NAV3: variants seen among roughly 807,000 people sequenced by gnomAD.
The protein encoded by NAV3 is neuron navigator 3, also known as pore membrane and/or filament interacting like protein 1.
A neutral mutation model predicts 244.7 loss-of-function variants in NAV3; 87 were observed. The observed-to-expected ratio is 0.36, with a 90% CI of 0.30 to 0.42. The LOEUF (loss-of-function observed/expected upper bound fraction) is 0.42, where lower values mean the gene tolerates loss of function less well. NAV3 is among the 20% of genes least tolerant of loss of function. The probability of loss-of-function intolerance (pLI) is 1.00; values close to 1 mark genes in which losing one functional copy is unlikely to be tolerated. For synonymous variants in NAV3, 1,126 were observed against 1,042.2 expected, an observed-to-expected ratio of 1.08 and a Z score of -1.55; for missense variants, 2,663 against 2,893.3, an observed-to-expected ratio of 0.92 and a Z score of 1.83.
chr12:77,620,046 G>C (rs1388069580), intron 2 of NAV3, among the ~76,000 whole-genome samples: 1 of 152,138 alleles, frequency 6.6e-6, no homozygotes, highest in African/African-American at 2.4e-5. Context: ...AAATTAAGGA[G>C]TCTTTTCATT....
chr12:77,959,513 G>A (rs777021786), intron 3 of NAV3, among the ~76,000 whole-genome samples: 8 of 151,970 alleles, frequency 5.3e-5, no homozygotes, highest in South Asian at 2.1e-4. Context: ...GTTGTTGTGA[G>A]TTATTGAATC....
chr12:77,608,448 G>A lies in NAV3; in HGVS notation c.72+36182G>A, dbSNP rs146141338. ...GTTGAGACAGTATTATCCTCTGCAT[G>A]TAATTTAAGCAGACTGTTATATCCT... On this transcript the variant is annotated intron_variant, in intron 2 of 8. Coordinates refer to the NAV3 transcript ENST00000550042. Among the ~76,000 whole-genome samples, 757 of 152,180 alleles carry A rather than the reference G, an allele frequency of 5.0e-3. 7 individuals are homozygous for A. The highest frequency in any genetic ancestry group is 0.018 in the African/African-American group (734 of 41,548).
chr12:78,057,881 G>T (rs951537947), intron 11 of NAV3, among the ~76,000 whole-genome samples: 1 of 152,090 alleles, frequency 6.6e-6, no homozygotes, highest in East Asian at 1.9e-4. Context: ...ACATGTAAGG[G>T]TTTCTCTCCT....
In NAV3 at chr12:78,197,053, C is replaced by A. The variant is rs905361407; in HGVS notation, c.6292-194C>A. Among the ~76,000 whole-genome samples the A allele has an allele frequency of 1.2e-4, 18 of 151,846 alleles. No individual in the cohort carries two copies. The East Asian group carries it at 3.3e-3, about 28-fold the overall frequency. On this transcript the variant is annotated intron_variant, in intron 34 of 39. Coordinates refer to ENST00000397909, the MANE Select transcript of NAV3 (RefSeq NM_001024383.2). ...CTATTGCTTTCCTTTTTCTTGCTTT[C>A]ATTTAAAAAAATTATTCTGTCAGCA...
intron 9 of NAV3, among the ~76,000 whole-genome samples, chr12:78,038,343 A>G (rs1405758437): frequency 6.6e-6 from 1 of 152,186 alleles, no homozygotes; most frequent in African/African-American, 2.4e-5. Flanking sequence ...GGCCTCCTTA[A>G]GTTGAAAGGA....
intron 2 of NAV3, among the ~76,000 whole-genome samples, chr12:77,655,240 C>A (rs34852146): frequency 0.18 from 27,243 of 151,664 alleles, 3,242 homozygotes; most frequent in African/African-American, 0.34. Flanking sequence ...ACTAGAATAA[C>A]CAATACAGAG....
At chr12:77,896,681 G>A (rs1220837398) in intron 1 of NAV3, among the ~76,000 whole-genome samples, 3 of 152,124 alleles carry the variant, frequency 2.0e-5, no homozygotes, top group Non-Finnish European at 4.4e-5. Flanking sequence ...AGCAGTGAAG[G>A]TGGCTATGGA....
At chr12:77,987,896 C>G (rs184784754) in intron 5 of NAV3, among the ~76,000 whole-genome samples, 1 of 152,004 alleles carries the variant, frequency 6.6e-6, no homozygotes, top group Non-Finnish European at 1.5e-5. Flanking sequence ...TTTATGGTAA[C>G]AGCGTAAAAT....
chr12:78,139,258 C>CCCCATGTTTTCATCTACAA (rs1956503892), intron 19 of NAV3, among the ~76,000 whole-genome samples: 2 of 152,202 alleles, frequency 1.3e-5, no homozygotes, highest in Admixed American at 1.3e-4. Context: ...TCAATTCCAT[C>CCCCATGTTTTCATCTACAA]CCCATGTTTT....
chr12:77,959,644 G>T (rs550692051), intron 3 of NAV3, among the ~76,000 whole-genome samples: 7 of 151,740 alleles, frequency 4.6e-5, no homozygotes, highest in Non-Finnish European at 7.4e-5. Flanking sequence ...CAGCTAAAAT[G>T]ATTATTATGG....
intron 9 of NAV3, among the ~76,000 whole-genome samples, chr12:78,025,289 A>G (rs180742967): frequency 1.1e-4 from 16 of 151,678 alleles, no homozygotes; most frequent in African/African-American, 3.4e-4. Flanking sequence ...GGTCTCACCA[A>G]TTCTCATGTT....
At chr12:77,731,803 A>G (rs945759848) in intron 2 of NAV3, among the ~76,000 whole-genome samples, 2 of 151,982 alleles carry the variant, frequency 1.3e-5, no homozygotes, top group African/African-American at 2.4e-5. Context: ...TTTTCAATAT[A>G]AAATTATATT....
At chr12:78,188,836 C>T (rs1958843420) in intron 33 of NAV3, 59 bp downstream of exon 33, 3 of 1,510,350 alleles carry the variant, frequency 2.0e-6, no homozygotes, top group East Asian at 2.3e-5. Context: ...TTTTATTCTG[C>T]CCCCCGCCCC....
At position 77,992,032 on chromosome 12, in the gene NAV3, A is replaced by C. The variant is rs1055514766; in HGVS notation, c.672-2771A>C. Among the ~76,000 whole-genome samples the C allele has an allele frequency of 8.4e-4, 128 of 152,104 alleles. 1 individual carries two copies. The highest frequency in any genetic ancestry group is 3.4e-3 in the Middle Eastern group (1 of 294). On this transcript the variant is annotated intron_variant, in intron 5 of 39. Transcript: ENST00000397909. ...GCAAGACTCCATCTCAAAAAAAAAA[A>C]CGAATATTTTATAAAGGATCTTGAA...
intron 24 of NAV3, among the ~76,000 whole-genome samples, chr12:78,169,927 TTTTCAATATTTC>T (rs1319627158): frequency 6.6e-6 from 1 of 151,824 alleles, no homozygotes; most frequent in Non-Finnish European, 1.5e-5. Flanking sequence ...TTGAAATATT[TTTTCAATATTTC>T]TTTTGTAAAT....
chr12:78,035,614 G>A (rs1008860875), intron 9 of NAV3, among the ~76,000 whole-genome samples: 1 of 152,112 alleles, frequency 6.6e-6, no homozygotes, highest in Non-Finnish European at 1.5e-5. Context: ...TGTGCATTTT[G>A]TGTTATCTGT....
At chr12:78,129,788 A>C (rs2138873835) in intron 18 of NAV3, among the ~76,000 whole-genome samples, 1 of 152,252 alleles carries the variant, frequency 6.6e-6, no homozygotes, top group Admixed American at 6.5e-5. Context: ...TTCTAGAAAA[A>C]CACATCTCTG....
intron 2 of NAV3, among the ~76,000 whole-genome samples, chr12:77,656,200 A>T (rs977558578): frequency 6.9e-6 from 1 of 144,150 alleles, no homozygotes; most frequent in Non-Finnish European, 1.5e-5. Flanking sequence ...AGTGTGTTGT[A>T]TTCAGGAAAC....
At chr12:77,714,489 AAGGTAC>A (rs1195555167) in intron 2 of NAV3, among the ~76,000 whole-genome samples, 3 of 152,098 alleles carry the variant, frequency 2.0e-5, no homozygotes, top group Non-Finnish European at 4.4e-5. Context: ...TTTAGAATTG[AAGGTAC>A]AGCCTTGCTC....
Sources: gnomAD v4.1 joint callset for allele counts (sites outside exome capture counted in the v4.1 genomes callset) on GRCh38, gnomAD v4.1.1 for gene constraint, MANE v1.5 for transcripts, NCBI Gene and HGNC (gene_info 2026-07-23, HGNC 2026-07-21) for gene names.